The following MYO3B variants were observed in gnomAD, a reference collection of about 807,000 sequenced individuals.
The protein encoded by MYO3B is myosin-IIIb.
A neutral mutation model predicts 174.6 loss-of-function variants in MYO3B; 156 were observed. The ratio of observed to expected loss-of-function variants is 0.89; its 90% CI spans 0.78 to 1.02. MYO3B has a LOEUF of 1.02. MYO3B is among the 50% of genes least tolerant of loss of function. MYO3B has a pLI of 0.00. For missense variants in MYO3B, 1,632 were observed against 1,639.4 expected (o/e 1.00, Z 0.08); for synonymous variants, 563 against 569.1 (o/e 0.99, Z 0.15).
At chr2:170,295,192 G>A (rs2093621540) in intron 7 of MYO3B, among the ~76,000 whole-genome samples, 1 of 151,596 alleles carries the variant, frequency 6.6e-6, no homozygotes, top group Admixed American at 6.6e-5. Flanking sequence ...TCTTGTAAAT[G>A]ACATGTATTT....
intron 32 of MYO3B, among the ~76,000 whole-genome samples, chr2:170,623,501 A>C (rs924947816): frequency 2.4e-4 from 36 of 152,102 alleles, no homozygotes; most frequent in African/African-American, 8.2e-4. Flanking sequence ...AGACTGCAAA[A>C]ATTTTCTCCT....
chr2:170,459,196 G>A (rs997354615), intron 23 of MYO3B, among the ~76,000 whole-genome samples: 1 of 152,200 alleles, frequency 6.6e-6, no homozygotes, highest in Non-Finnish European at 1.5e-5. Context: ...GACCCCAGCG[G>A]GTTGCCACTG....
chr2:170,380,989 T>A (rs959562230), intron 9 of MYO3B, among the ~76,000 whole-genome samples: 2 of 152,134 alleles, frequency 1.3e-5, no homozygotes, highest in African/African-American at 2.4e-5. Flanking sequence ...GGCACAATAG[T>A]GCATACTTCT....
chr2:170,456,478 G>A (rs1683916885), intron 23 of MYO3B, among the ~76,000 whole-genome samples: 1 of 152,072 alleles, frequency 6.6e-6, no homozygotes, highest in South Asian at 2.1e-4. Context: ...GGGTATCAGA[G>A]AGACCTTGAT....
chr2:170,589,112 A>G (rs1057118746), intron 32 of MYO3B, among the ~76,000 whole-genome samples: 2 of 152,168 alleles, frequency 1.3e-5, no homozygotes, highest in African/African-American at 4.8e-5. Context: ...CTACAGGAGA[A>G]GATGAAAAAA....
chr2:170,443,947 C>G lies in MYO3B; in HGVS notation c.2651-20C>G, dbSNP rs911933059. The G allele has an allele frequency of 2.5e-6, 4 of 1,597,578 alleles. No homozygotes were observed. The highest frequency in any genetic ancestry group is 3.4e-6 in the Non-Finnish European group (4 of 1,167,216). ...CTTAACTTTTCCTTTAATTTATGTT[C>G]TTTGTGGTCTCTTTCTCAGGTAATT... On this transcript the variant is annotated intron_variant, in intron 22 of 34. Coordinates refer to ENST00000408978, the MANE Select transcript of MYO3B (RefSeq NM_138995.5).
chr2:170,262,681 A>G (rs2093354309), intron 7 of MYO3B, among the ~76,000 whole-genome samples: 1 of 152,134 alleles, frequency 6.6e-6, no homozygotes, highest in Non-Finnish European at 1.5e-5. Flanking sequence ...GTCCATGGAC[A>G]ATGTGTGGAA....
chr2:170,633,033 A>G (rs544041073), intron 32 of MYO3B, among the ~76,000 whole-genome samples: 1 of 152,222 alleles, frequency 6.6e-6, no homozygotes, highest in Non-Finnish European at 1.5e-5. Context: ...GCCGAATTCT[A>G]CCAGAGGTAC....
At chr2:170,254,083 G>A (rs774300687) in intron 7 of MYO3B, among the ~76,000 whole-genome samples, 1 of 152,110 alleles carries the variant, frequency 6.6e-6, no homozygotes, top group Non-Finnish European at 1.5e-5. Flanking sequence ...AAGCCCACAT[G>A]GAGTCACTGA....
intron 7 of MYO3B, among the ~76,000 whole-genome samples, chr2:170,276,624 C>T (rs543219452): frequency 6.6e-6 from 1 of 152,150 alleles, no homozygotes; most frequent in African/African-American, 2.4e-5. Flanking sequence ...ATATGAGAGC[C>T]TAAAGTGATG....
intron 22 of MYO3B, among the ~76,000 whole-genome samples, chr2:170,423,062 A>G (rs1361953956): frequency 7.2e-6 from 1 of 138,640 alleles, no homozygotes; most frequent in Non-Finnish European, 1.5e-5. Flanking sequence ...GCTCACTGCA[A>G]CCTCCGCCCC....
intron 7 of MYO3B, among the ~76,000 whole-genome samples, chr2:170,320,201 G>A (rs980248639): frequency 7.2e-5 from 11 of 152,058 alleles, no homozygotes; most frequent in African/African-American, 1.4e-4. Flanking sequence ...CACAATGCCC[G>A]GATAATTTAT....
intron 32 of MYO3B, among the ~76,000 whole-genome samples, chr2:170,633,476 T>A (rs528950574): frequency 2.0e-5 from 3 of 152,104 alleles, no homozygotes; most frequent in African/African-American, 7.2e-5. Flanking sequence ...TATCTCAAAA[T>A]AGTAAGAGCT....
At chr2:170,335,522 T>C in intron 8 of MYO3B, 72 bp downstream of exon 8, 1 of 1,209,288 alleles carries the variant, frequency 8.3e-7, no homozygotes, top group Non-Finnish European at 1.2e-6. Context: ...ATCCAGGCTG[T>C]GGAATTTACT....
At chr2:170,526,408 C>G (rs1161066229) in intron 30 of MYO3B, among the ~76,000 whole-genome samples, 2 of 152,152 alleles carry the variant, frequency 1.3e-5, no homozygotes, top group African/African-American at 4.8e-5. Flanking sequence ...AGGATCAAGA[C>G]TTTGACTTAG....
intron 7 of MYO3B, among the ~76,000 whole-genome samples, chr2:170,281,112 G>A (rs1307690285): frequency 6.6e-6 from 1 of 152,132 alleles, no homozygotes; most frequent in African/African-American, 2.4e-5. Context: ...CCATGAGCAT[G>A]GGATGTTTTT....
chr2:170,321,682 C>T (rs1015256865), intron 7 of MYO3B, among the ~76,000 whole-genome samples: 3 of 152,096 alleles, frequency 2.0e-5, no homozygotes, highest in African/African-American at 7.2e-5. Context: ...CTGGGACATG[C>T]CTGAATACTC....
intron 7 of MYO3B, among the ~76,000 whole-genome samples, chr2:170,331,251 AACATT>A (rs563345441): frequency 4.3e-4 from 66 of 152,328 alleles, no homozygotes; most frequent in African/African-American, 1.5e-3. Context: ...CAAAGGAGTT[AACATT>A]TTATCATTCT....
chr2:170,398,049 C>T (rs2094451119), intron 16 of MYO3B, among the ~76,000 whole-genome samples: 1 of 151,710 alleles, frequency 6.6e-6, no homozygotes, highest in Non-Finnish European at 1.5e-5. Flanking sequence ...TGGTGAAATG[C>T]CATCTCTACT....
Sources: allele counts gnomAD v4.1 joint callset (sites outside exome capture counted in the v4.1 genomes callset), GRCh38; gene constraint gnomAD v4.1.1; transcripts MANE v1.5; gene names NCBI Gene and HGNC (gene_info 2026-07-23, HGNC 2026-07-21).